The following SETBP1 variants were observed in gnomAD, a reference collection of about 807,000 sequenced individuals.
SETBP1 encodes SET binding protein 1.
Under a neutral mutation model 101.0 loss-of-function variants are expected in SETBP1, and 9 were observed. The observed-to-expected ratio is 0.09, with a 90% CI of 0.05 to 0.16. The LOEUF (loss-of-function observed/expected upper bound fraction) is 0.16. SETBP1 is among the 10% of genes least tolerant of loss of function. The pLI, the probability that SETBP1 is intolerant of heterozygous loss-of-function variation, is 1.00. For missense variants in SETBP1, 1,858 were observed against 2,033.8 expected, an observed-to-expected ratio of 0.91 and a Z score of 1.66; for synonymous variants, 818 against 788.5, an observed-to-expected ratio of 1.04 and a Z score of -0.63.
intron 1 of SETBP1, among the ~76,000 whole-genome samples, chr18:44,685,826 A>T (rs1268730562): frequency 6.6e-6 from 1 of 152,216 alleles, no homozygotes; most frequent in East Asian, 1.9e-4. Context: ...TAATAATTCA[A>T]CCGATGTCCA....
intron 2 of SETBP1, among the ~76,000 whole-genome samples, chr18:44,703,348 G>GTTTTTTTTTTTTTTTTTTTTTTTTTTTTT (rs531974601): frequency 1.2e-4 from 6 of 51,446 alleles, no homozygotes; most frequent in Admixed American, 2.7e-4. Context: ...TTACCATTAG[G>GTTTTTTTTTTTTTTTTTTTTTTTTTTTTT]TTTTTTTTTT....
intron 2 of SETBP1, among the ~76,000 whole-genome samples, chr18:44,794,184 C>G (rs2071424421): frequency 6.6e-6 from 1 of 152,142 alleles, no homozygotes; most frequent in Admixed American, 6.6e-5. Flanking sequence ...CAACTGTAAC[C>G]CTTTTAGCTC....
chr18:44,875,236 T>G (rs1009497787), intron 3 of SETBP1, among the ~76,000 whole-genome samples: 22 of 152,000 alleles, frequency 1.4e-4, no homozygotes, highest in African/African-American at 5.3e-4. Context: ...AAGAGTAAAA[T>G]TGGGCCGGGT....
chr18:45,035,031 T>C (rs1467058136), intron 4 of SETBP1, among the ~76,000 whole-genome samples: 1 of 149,832 alleles, frequency 6.7e-6, no homozygotes, highest in Non-Finnish European at 1.5e-5. Flanking sequence ...TTGCTCATCA[T>C]AGAATATCAG....
intron 3 of SETBP1, among the ~76,000 whole-genome samples, chr18:44,875,042 A>G (rs1365957201): frequency 6.6e-6 from 1 of 152,190 alleles, no homozygotes; most frequent in East Asian, 1.9e-4. Flanking sequence ...ACACTGGGAA[A>G]TGGAAGGCAA....
At chr18:45,043,805 C>A (rs112682515) in intron 5 of SETBP1, among the ~76,000 whole-genome samples, 3,067 of 152,164 alleles carry the variant, frequency 0.02, 100 homozygotes, top group African/African-American at 0.07. Flanking sequence ...AATTAATTAC[C>A]ATTACAAATA....
At chr18:44,696,255 A>G (rs1652168054) in intron 1 of SETBP1, among the ~76,000 whole-genome samples, 1 of 152,212 alleles carries the variant, frequency 6.6e-6, no homozygotes, top group Non-Finnish European at 1.5e-5. Context: ...GCTGTAAGGG[A>G]GAAATACCCT....
chr18:44,893,173 A>G (rs972343362), intron 3 of SETBP1, among the ~76,000 whole-genome samples: 2 of 152,148 alleles, frequency 1.3e-5, no homozygotes, highest in Non-Finnish European at 2.9e-5. Context: ...TCATCTTCTT[A>G]AGAACGAGCA....
chr18:44,733,893 C>G (rs1183372291), intron 2 of SETBP1, among the ~76,000 whole-genome samples: 1 of 151,146 alleles, frequency 6.6e-6, no homozygotes, highest in Non-Finnish European at 1.5e-5. Context: ...AATTGATCAG[C>G]CTATGAATGA....
intron 3 of SETBP1, among the ~76,000 whole-genome samples, chr18:44,939,335 A>G (rs985954833): frequency 2.0e-5 from 3 of 152,008 alleles, no homozygotes; most frequent in Non-Finnish European, 2.9e-5. Flanking sequence ...TTATATAAAC[A>G]GAATGGTACA....
intron 2 of SETBP1, among the ~76,000 whole-genome samples, chr18:44,805,424 GT>G (rs2071708783): frequency 6.6e-6 from 1 of 151,832 alleles, no homozygotes; most frequent in African/African-American, 2.4e-5. Flanking sequence ...GTGTGTGTGT[GT>G]GTGTGTGTGG....
At chr18:44,909,229 T>C (rs932803747) in intron 3 of SETBP1, among the ~76,000 whole-genome samples, 4 of 152,184 alleles carry the variant, frequency 2.6e-5, no homozygotes, top group African/African-American at 9.7e-5. Context: ...TGTAGAGAAT[T>C]AGACTGAAAG....
chr18:44,758,805 G>A (rs1367591501), intron 2 of SETBP1, among the ~76,000 whole-genome samples: 1 of 152,166 alleles, frequency 6.6e-6, no homozygotes, highest in Non-Finnish European at 1.5e-5. Flanking sequence ...TCATTAGGAT[G>A]GTCTTGTGAG....
chr18:44,839,728 G>C (rs2072578163), intron 2 of SETBP1, among the ~76,000 whole-genome samples: 1 of 152,196 alleles, frequency 6.6e-6, no homozygotes, highest in South Asian at 2.1e-4. Context: ...AAGATAGATG[G>C]GATAAGCATT....
At chr18:44,794,112 A>G (rs1044292478) in intron 2 of SETBP1, among the ~76,000 whole-genome samples, 3 of 152,288 alleles carry the variant, frequency 2.0e-5, no homozygotes, top group African/African-American at 7.2e-5. Flanking sequence ...GCAGAGTATG[A>G]ACAGGGGAGG....
intron 3 of SETBP1, among the ~76,000 whole-genome samples, chr18:44,889,635 T>C (rs970261214): frequency 1.3e-5 from 2 of 152,160 alleles, no homozygotes; most frequent in African/African-American, 4.8e-5. Flanking sequence ...AATTGTTGCA[T>C]TCTGCTGCAG....
intron 2 of SETBP1, among the ~76,000 whole-genome samples, chr18:44,802,237 A>G (rs577516583): frequency 2.0e-5 from 3 of 152,256 alleles, no homozygotes; most frequent in Non-Finnish European, 2.9e-5. Context: ...AATATTTTCT[A>G]TGATAGTTTC....
intron 2 of SETBP1, among the ~76,000 whole-genome samples, chr18:44,842,321 G>A (rs2072633163): frequency 6.6e-6 from 1 of 152,196 alleles, no homozygotes; most frequent in Non-Finnish European, 1.5e-5. Context: ...GCACACAGGA[G>A]CAAATAGGTC....
At chr18:45,011,800 C>G (rs1190301461) in intron 4 of SETBP1, among the ~76,000 whole-genome samples, 2 of 152,194 alleles carry the variant, frequency 1.3e-5, no homozygotes, top group African/African-American at 2.4e-5. Flanking sequence ...GCTGTGTGAT[C>G]TTGAGCAATC....
Sources: allele counts gnomAD v4.1 joint callset (sites outside exome capture counted in the v4.1 genomes callset), GRCh38; gene constraint gnomAD v4.1.1; transcripts MANE v1.5; gene names NCBI Gene and HGNC (gene_info 2026-07-23, HGNC 2026-07-21).